The following RTP2 variants were observed in gnomAD, a reference collection of about 807,000 sequenced individuals.
RTP2 encodes the protein receptor transporter protein 2, also known as receptor-transporting protein 2.
Under a neutral mutation model 17.9 loss-of-function variants are expected in RTP2, and 12 were observed. That is an observed-to-expected ratio of 0.67 (90% CI 0.43 to 1.09). RTP2 has a LOEUF of 1.09. Among genes scored for constraint, RTP2 ranks in the 50% least tolerant of loss-of-function variants. The probability of loss-of-function intolerance (pLI) is 0.00; values close to 1 mark genes in which losing one functional copy is unlikely to be tolerated. For synonymous variants in RTP2, 126 were observed against 117.7 expected, an observed-to-expected ratio of 1.07 and a Z score of -0.46; for missense variants, 327 against 295.7, an observed-to-expected ratio of 1.11 and a Z score of -0.78.
upstream of RTP2, among the ~76,000 whole-genome samples, chr3:187,702,832 T>C (rs1439556505): frequency 6.6e-6 from 1 of 152,264 alleles, no homozygotes; most frequent in Non-Finnish European, 1.5e-5. Flanking sequence ...AACATCTCTT[T>C]GCCCAGGGCA....
rs755375777 is a variant in RTP2 at position 187,699,021 on chromosome 3, G to A, written c.165-10C>T. 2.6e-6 allele frequency: 4 copies of A among 1,567,202 alleles called. No individual in the cohort carries two copies. Among genetic ancestry groups the A allele is most frequent in the Non-Finnish European group, 3.5e-6 (4 of 1,150,092 alleles). On this transcript the variant is annotated splice_polypyrimidine_tract_variant and intron_variant, in intron 1 of 1. Transcript: ENST00000358241. ...CCAGGAGCAGTGGAACCTGCCGGGA[G>A]GAGAAGGAGGGGTGGAGAAGGTGGG... is the stretch of plus-strand genomic sequence containing the variant.
At chr3:187,707,575 G>A in the RTP2 span, among the ~76,000 whole-genome samples, 9 of 152,276 alleles carry the variant, frequency 5.9e-5, no homozygotes, top group East Asian at 1.5e-3. Flanking sequence ...TATCATTTAG[G>A]ACATCTGGAT....
At chr3:187,703,642 T>C (rs894968466), upstream of RTP2, among the ~76,000 whole-genome samples, 1 of 152,176 alleles carries the variant, frequency 6.6e-6, no homozygotes, top group African/African-American at 2.4e-5. Context: ...TCACTGGGGA[T>C]TCCCTTAGAA....
At chr3:187,698,290 C>G in exon 2 of RTP2, 2 of 562,312 alleles carry the variant, frequency 3.6e-6, no homozygotes, top group South Asian at 5.3e-5. Flanking sequence ...ACACCCTTTT[C>G]CCCTTCCCCC....
exon 2 of RTP2, chr3:187,698,590 AGTT>A: frequency 6.2e-7 from 1 of 1,614,240 alleles, no homozygotes; most frequent in Non-Finnish European, 8.5e-7. Flanking sequence ...AGAGACAAGA[AGTT>A]GTAGCCGGAT....
Position 187,701,963 on chromosome 3 carries a change from A to G in RTP2, c.164+2T>C, listed in dbSNP as rs759600922. 21 of 1,585,908 alleles carry G rather than the reference A, an allele frequency of 1.3e-5. No individual in the cohort carries two copies. The highest frequency in any genetic ancestry group is 1.8e-5 in the Non-Finnish European group (21 of 1,163,868). The stretch of plus-strand genomic sequence containing the variant: ...AAGGTCCCTCCCCACTGAACCTCTC[A>G]CCTGCCTGAGGCGTGCTGCTCCAGG... On this transcript the variant is annotated splice_donor_variant, in intron 1 of 1. Transcript: ENST00000358241. LOFTEE classifies it high-confidence loss of function.
the RTP2 span, among the ~76,000 whole-genome samples, chr3:187,707,960 C>T: frequency 1.3e-5 from 2 of 152,190 alleles, no homozygotes; most frequent in Admixed American, 1.3e-4. Context: ...CTTTTGTACA[C>T]TCCCAATTGA....
At chr3:187,699,881 G>A (rs537752623) in intron 1 of RTP2, among the ~76,000 whole-genome samples, 25 of 152,156 alleles carry the variant, frequency 1.6e-4, no homozygotes, top group African/African-American at 5.8e-4. Flanking sequence ...GTGGTAGCCT[G>A]GGGCTCATCT....
chr3:187,705,313 C>A (rs1011824932), upstream of RTP2, among the ~76,000 whole-genome samples: 2 of 152,124 alleles, frequency 1.3e-5, no homozygotes, highest in African/African-American at 4.8e-5. Flanking sequence ...AGAGAACCTG[C>A]TAGTTTCTGT....
chr3:187,708,128 C>T, the RTP2 span, among the ~76,000 whole-genome samples: 25 of 152,172 alleles, frequency 1.6e-4, no homozygotes, highest in East Asian at 5.8e-4. Flanking sequence ...TACATGTGAA[C>T]GAGAAATAGA....
At chr3:187,707,095 G>A (rs1019843077), upstream of RTP2, among the ~76,000 whole-genome samples, 1 of 151,934 alleles carries the variant, frequency 6.6e-6, no homozygotes, top group African/African-American at 2.4e-5. Context: ...CCACAGCTAG[G>A]TCTATGGGCC....
At chr3:187,708,520 C>T in the RTP2 span, among the ~76,000 whole-genome samples, 2 of 152,198 alleles carry the variant, frequency 1.3e-5, no homozygotes, top group African/African-American at 4.8e-5. Flanking sequence ...CAGGGGACAA[C>T]ACCAAACTCA....
upstream of RTP2, among the ~76,000 whole-genome samples, chr3:187,704,416 C>T (rs982595795): frequency 2.0e-5 from 3 of 152,048 alleles, no homozygotes; most frequent in African/African-American, 7.2e-5. Context: ...CTGTATACAC[C>T]TCTGCTTCAG....
upstream of RTP2, among the ~76,000 whole-genome samples, chr3:187,706,346 T>A (rs1015805579): frequency 1.3e-5 from 2 of 152,228 alleles, no homozygotes; most frequent in Non-Finnish European, 2.9e-5. Context: ...TATATGCTTA[T>A]AGACACTATA....
the RTP2 span, among the ~76,000 whole-genome samples, chr3:187,712,005 G>T: frequency 6.6e-6 from 1 of 152,202 alleles, no homozygotes; most frequent in South Asian, 2.1e-4. Flanking sequence ...ACAGGATGAC[G>T]ATAAAAGGGT....
chr3:187,713,547 A>AT, the RTP2 span, among the ~76,000 whole-genome samples: 1 of 152,212 alleles, frequency 6.6e-6, no homozygotes, highest in Non-Finnish European at 1.5e-5. Context: ...TGGGCTTTAG[A>AT]TACCCTCTAG....
exon 2 of RTP2, chr3:187,698,600 G>A (rs1036315288): frequency 1.9e-6 from 3 of 1,614,246 alleles, no homozygotes; most frequent in Non-Finnish European, 1.7e-6. Flanking sequence ...AGTTGTAGCC[G>A]GATCCCGCCT....
At chr3:187,708,187 G>A in the RTP2 span, among the ~76,000 whole-genome samples, 1 of 152,130 alleles carries the variant, frequency 6.6e-6, no homozygotes, top group Non-Finnish European at 1.5e-5. Flanking sequence ...TGTGACAAAT[G>A]AACACAGACA....
rs1357812594 is a variant in RTP2, at chr3:187,702,440, C to T, written c.-312G>A. ...CAGTGGGAGGCCCAACCTCAGACCACACTCATCTGGATTTCCAGAGGTCTC... is the reference window on the plus strand; with the variant it reads ...CAGTGGGAGGCCCAACCTCAGACCATACTCATCTGGATTTCCAGAGGTCTC... On this transcript the variant is annotated 5_prime_UTR_variant, in exon 1 of 2. It adds an upstream start codon to the 5' untranslated region. Coordinates refer to ENST00000358241, the Ensembl canonical transcript of RTP2. 9.9e-6 allele frequency: 5 copies of T among 506,000 alleles called. No individual in the cohort carries two copies. The highest frequency in any genetic ancestry group is 1.9e-5 in the Non-Finnish European group (5 of 259,516). 31.3% of individuals were successfully genotyped at this position (506,000 alleles called of 1,614,324 possible).
Sources: gnomAD v4.1 joint callset for allele counts (sites outside exome capture counted in the v4.1 genomes callset) on GRCh38, gnomAD v4.1.1 for gene constraint, MANE v1.5 for transcripts, NCBI Gene and HGNC (gene_info 2026-07-23, HGNC 2026-07-21) for gene names.